The following ZNF407 variants were observed in gnomAD, a reference collection of about 807,000 sequenced individuals.
The protein encoded by ZNF407 is zinc finger protein 407.
Under a neutral mutation model 131.2 loss-of-function variants are expected in ZNF407, and 17 were observed. The observed-to-expected ratio is 0.13, with a 90% CI of 0.09 to 0.19. ZNF407 has a LOEUF of 0.19. ZNF407 is among the 10% of genes least tolerant of loss of function. The pLI is 1.00. For synonymous variants in ZNF407, 1,156 were observed against 1,062.0 expected, an observed-to-expected ratio of 1.09 and a Z score of -1.72; for missense variants, 2,681 against 2,830.6, an observed-to-expected ratio of 0.95 and a Z score of 1.20.
At chr18:74,677,155 A>G (rs188821335) in intron 3 of ZNF407, among the ~76,000 whole-genome samples, 44 of 152,246 alleles carry the variant, frequency 2.9e-4, no homozygotes, top group Admixed American at 5.2e-4. Flanking sequence ...CAGTGGTGCA[A>G]TCTTGGCTCA....
intron 8 of ZNF407, among the ~76,000 whole-genome samples, chr18:74,972,473 G>A (rs1202041420): frequency 6.6e-6 from 1 of 152,186 alleles, no homozygotes; most frequent in Non-Finnish European, 1.5e-5. Flanking sequence ...TGTTGAAGCT[G>A]GAGGTTTTAG....
intron 4 of ZNF407, among the ~76,000 whole-genome samples, chr18:74,812,853 G>A (rs1970216539): frequency 6.6e-6 from 1 of 151,738 alleles, no homozygotes; most frequent in African/African-American, 2.4e-5. Context: ...CCTTTGATAT[G>A]CCTTCTTTTA....
At chr18:74,599,675 A>G (rs1385700214) in intron 1 of ZNF407, among the ~76,000 whole-genome samples, 1 of 152,194 alleles carries the variant, frequency 6.6e-6, no homozygotes, top group Non-Finnish European at 1.5e-5. Flanking sequence ...ACCTGGTTGA[A>G]GGGACATTTT....
At chr18:74,947,580 C>T (rs1206975622) in intron 8 of ZNF407, among the ~76,000 whole-genome samples, 1 of 152,192 alleles carries the variant, frequency 6.6e-6, no homozygotes, top group African/African-American at 2.4e-5. Flanking sequence ...GCACACTGAG[C>T]GCCTGCCAGA....
At chr18:74,823,017 C>A (rs774958069) in intron 4 of ZNF407, among the ~76,000 whole-genome samples, 2 of 152,112 alleles carry the variant, frequency 1.3e-5, no homozygotes, top group African/African-American at 4.8e-5. Context: ...GTATTTTATT[C>A]TCTTTGTAGC....
rs117095648 is a variant in ZNF407, at chr18:74,974,492, G to A, written c.5428+53800G>A. On this transcript the variant is annotated intron_variant, in intron 8 of 8. Transcript: ENST00000299687. ...TTTTTCCCCCCAAGTATCAAATTAC[G>A]CTCGGCAACTTTACCTGATTATGTT... Among the ~76,000 whole-genome samples the A allele has an allele frequency of 4.6e-3, 700 of 152,138 alleles. 2 individuals are homozygous for A. Among genetic ancestry groups the A allele is most frequent in the Non-Finnish European group, 5.3e-3 (363 of 68,000 alleles).
chr18:74,696,812 C>T (rs1457997553), intron 3 of ZNF407, among the ~76,000 whole-genome samples: 1 of 152,146 alleles, frequency 6.6e-6, no homozygotes, highest in Admixed American at 6.6e-5. Flanking sequence ...GACAGCCAAA[C>T]ATCTACAAGG....
At chr18:74,826,794 A>C (rs1264324185) in intron 4 of ZNF407, among the ~76,000 whole-genome samples, 1 of 152,234 alleles carries the variant, frequency 6.6e-6, no homozygotes, top group Non-Finnish European at 1.5e-5. Context: ...GTTAACGTAC[A>C]GTAAGCAGCG....
chr18:74,785,695 A>G (rs1026852477), intron 4 of ZNF407, among the ~76,000 whole-genome samples: 6 of 152,164 alleles, frequency 3.9e-5, no homozygotes, highest in African/African-American at 7.2e-5. Flanking sequence ...TTTATGAAAC[A>G]TGAAAATATC....
intron 3 of ZNF407, among the ~76,000 whole-genome samples, chr18:74,648,838 A>G (rs9949221): frequency 1.0e-3 from 152 of 152,354 alleles, no homozygotes; most frequent in African/African-American, 3.6e-3. Flanking sequence ...CAGTTGGGAC[A>G]GGAAACCATT....
At chr18:74,969,953 A>G (rs1297494840) in intron 8 of ZNF407, among the ~76,000 whole-genome samples, 1 of 152,186 alleles carries the variant, frequency 6.6e-6, no homozygotes, top group Non-Finnish European at 1.5e-5. Flanking sequence ...ACTGGGAAGA[A>G]AAGGAAGTTT....
chr18:74,940,270 C>A (rs1972081988), intron 8 of ZNF407, among the ~76,000 whole-genome samples: 1 of 152,164 alleles, frequency 6.6e-6, no homozygotes, highest in African/African-American at 2.4e-5. Context: ...AGGCCAAAGT[C>A]ACTTAGGATC....
At chr18:74,798,031 G>C (rs1023772589) in intron 4 of ZNF407, among the ~76,000 whole-genome samples, 2 of 152,046 alleles carry the variant, frequency 1.3e-5, no homozygotes, top group Non-Finnish European at 2.9e-5. Context: ...GCTGGGGAAA[G>C]GCGCAAACGC....
At chr18:74,800,944 A>G (rs1033204489) in intron 4 of ZNF407, among the ~76,000 whole-genome samples, 3 of 152,082 alleles carry the variant, frequency 2.0e-5, no homozygotes, top group African/African-American at 7.2e-5. Context: ...TTGTTAACAG[A>G]CAGATTCATT....
At chr18:74,852,329 A>C (rs565535557) in intron 4 of ZNF407, among the ~76,000 whole-genome samples, 1 of 152,290 alleles carries the variant, frequency 6.6e-6, no homozygotes, top group African/African-American at 2.4e-5. Flanking sequence ...AATATGCATA[A>C]CTTTTGAGGG....
At chr18:74,832,113 AGT>A (rs1970493605) in intron 4 of ZNF407, among the ~76,000 whole-genome samples, 1 of 152,148 alleles carries the variant, frequency 6.6e-6, no homozygotes, top group South Asian at 2.1e-4. Flanking sequence ...CTCAACTCTG[AGT>A]GTGTTTGTGC....
intron 4 of ZNF407, among the ~76,000 whole-genome samples, chr18:74,856,537 A>G (rs1490417326): frequency 6.6e-6 from 1 of 152,168 alleles, no homozygotes; most frequent in East Asian, 1.9e-4. Flanking sequence ...GAACCTGGGG[A>G]TGCAGCTGAG....
chr18:74,972,972 T>G (rs1972489140), intron 8 of ZNF407, among the ~76,000 whole-genome samples: 1 of 152,216 alleles, frequency 6.6e-6, no homozygotes, highest in Admixed American at 6.5e-5. Flanking sequence ...AGGTCTTAAG[T>G]CTGCCATTTT....
rs1351492226 is a variant in ZNF407, at chr18:75,064,556, C to T, written c.*88C>T. 4 of 1,217,128 alleles carry T rather than the reference C, an allele frequency of 3.3e-6. No individual in the cohort carries two copies. The highest frequency in any genetic ancestry group is 4.5e-6 in the Non-Finnish European group (4 of 895,622). 75.4% of individuals were successfully genotyped at this position (1,217,128 alleles called of 1,614,324 possible). A position where few individuals can be genotyped will look rare whatever the true frequency, so the allele number is the denominator to read the frequency against. The stretch of plus-strand genomic sequence containing the variant: ...CGTGTTCCCTGAGCTTCATCTGAAA[C>T]CTTCAAAACCATGAGGACAAGGCTC... On this transcript the variant is annotated 3_prime_UTR_variant, in exon 9 of 9. Transcript: ENST00000299687.
Sources: allele counts gnomAD v4.1 joint callset (sites outside exome capture counted in the v4.1 genomes callset), GRCh38; gene constraint gnomAD v4.1.1; transcripts MANE v1.5; gene names NCBI Gene and HGNC (gene_info 2026-07-23, HGNC 2026-07-21).